The following GAL variants were observed in gnomAD, a reference collection of about 807,000 sequenced individuals.
GAL encodes the protein galanin and GMAP prepropeptide.
Under a neutral mutation model 15.8 loss-of-function variants are expected in GAL, and 14 were observed. That is an observed-to-expected ratio of 0.89 (90% CI 0.59 to 1.39). The LOEUF is 1.39. GAL is among the 40% of genes most tolerant of loss of function. The pLI is 0.00. For missense variants in GAL, 176 were observed against 170.4 expected (o/e 1.03, Z -0.18); for synonymous variants, 79 against 73.8 (o/e 1.07, Z -0.36).
chr11:68,684,964 T>A lies in GAL; in HGVS notation c.41T>A (p.Leu14His). The A allele has an allele frequency of 1.2e-6, 2 of 1,609,128 alleles. No homozygotes were observed. Among genetic ancestry groups the A allele is most frequent in the South Asian group, 1.1e-5 (1 of 90,252 alleles). The change falls in exon 2 of 6, where the codon CTC becomes CAC. Residue 14 changes from leucine (L) to histidine (H), a missense_variant. Physicochemically the swap from Leu to His is moderately conservative, Grantham distance 99 (BLOSUM62 -3). Coordinates refer to ENST00000265643, the MANE Select transcript of GAL (RefSeq NM_015973.5). ...GSALLLASLL[L>H]AAALSASAGL... ...GCCCTCCTGCTCGCCTCCCTCCTCC[T>A]CGCCGCGGCCCTTTCTGCCTCTGCG... is the stretch of plus-strand genomic sequence containing the variant.
Position 68,684,694 on chromosome 11 carries a change from A to G in GAL, c.-39A>G. The stretch of plus-strand genomic sequence containing the variant: ...CGCCCAGACCCGCCACCGCACCCGG[A>G]CCCCGACGCTCCGAACCCGGGCGCA... On this transcript the variant is annotated 5_prime_UTR_variant, in exon 1 of 6. Coordinates refer to ENST00000265643, the MANE Select transcript of GAL (RefSeq NM_015973.5). The G allele has an allele frequency of 2.5e-6, 1 of 399,048 alleles. No homozygotes were observed. The highest frequency in any genetic ancestry group is 4.4e-6 in the Non-Finnish European group (1 of 225,622). 24.7% of individuals were successfully genotyped at this position (399,048 alleles called of 1,614,324 possible).
intron 5 of GAL, 140 bp downstream of exon 5, chr11:68,689,066 G>A: frequency 1.6e-6 from 1 of 625,800 alleles, no homozygotes; most frequent in South Asian, 1.8e-5. Context: ...TTGGCTGTGT[G>A]TCGGGATAAC....
At chr11:68,690,871 T>C in intron 5 of GAL, 46 bp from the exon 6 acceptor site, 1 of 1,199,044 alleles carries the variant, frequency 8.3e-7, no homozygotes, top group Non-Finnish European at 1.2e-6. Flanking sequence ...TTCTCTCATG[T>C]GCATATTAAG....
In GAL at chr11:68,686,984, G is replaced by T. The variant is rs537916162; in HGVS notation, c.137-1030G>T. ...CTGTTCAGCTGTAGCTAGACGAGTT[G>T]TTTGTCAAAATACTTAAAAATGTGC... On this transcript the variant is annotated intron_variant, in intron 3 of 5. Coordinates refer to ENST00000265643, the MANE Select transcript of GAL (RefSeq NM_015973.5). 5.3e-4 allele frequency among the ~76,000 whole-genome samples: 80 copies of T among 152,286 alleles called. 1 individual carries two copies. The highest frequency in any genetic ancestry group is 1.9e-3 in the African/African-American group (80 of 41,562).
chr11:68,685,527 G>A, intron 2 of GAL, 67 bp from the exon 3 acceptor site: 1 of 1,080,922 alleles, frequency 9.3e-7, no homozygotes, highest in Admixed American at 1.7e-5. Context: ...GGGAAAGCCT[G>A]GGTGCACCCA....
intron 3 of GAL, among the ~76,000 whole-genome samples, chr11:68,687,383 A>C (rs1334051513): frequency 6.6e-6 from 1 of 151,730 alleles, no homozygotes; most frequent in Non-Finnish European, 1.5e-5. Context: ...TGTGCTTGCA[A>C]TCACAGTTCC....
At position 68,684,591 on chromosome 11, in the gene GAL, C is replaced by A; in HGVS notation, c.-142C>A. The A allele has an allele frequency of 4.5e-6, 1 of 223,508 alleles. No individual in the cohort carries two copies. Among genetic ancestry groups the A allele is most frequent in the South Asian group, 1.8e-4 (1 of 5,628 alleles). The allele number at this position is 223,508 out of a possible 1,614,324, so 13.8% of individuals were successfully genotyped here. Reference sequence around the variant, plus strand: ...AGGGACCCGGCCCGCGCCTTCTGCCCCTGCTGCCGGCCGCGCCATGCGGTG... The same window carrying A: ...AGGGACCCGGCCCGCGCCTTCTGCCACTGCTGCCGGCCGCGCCATGCGGTG... On this transcript the variant is annotated 5_prime_UTR_variant, in exon 1 of 6. Coordinates refer to ENST00000265643, the MANE Select transcript of GAL (RefSeq NM_015973.5).
At chr11:68,686,752 C>G (rs1029436747) in intron 3 of GAL, among the ~76,000 whole-genome samples, 11 of 152,242 alleles carry the variant, frequency 7.2e-5, no homozygotes, top group African/African-American at 2.4e-4. Context: ...GCCTGAGGGT[C>G]GGCTGATTTC....
In GAL at chr11:68,684,674, A is replaced by T; in HGVS notation, c.-59A>T. 2.8e-6 allele frequency: 1 copy of T among 360,600 alleles called. No homozygotes were observed. The highest frequency in any genetic ancestry group is 4.9e-6 in the Non-Finnish European group (1 of 202,206). The allele number at this position is 360,600 out of a possible 1,614,324, so 22.3% of individuals were successfully genotyped here. A position where few individuals can be genotyped will look rare whatever the true frequency, so the allele number is the denominator to read the frequency against. On this transcript the variant is annotated 5_prime_UTR_variant, in exon 1 of 6. Coordinates refer to ENST00000265643, the MANE Select transcript of GAL (RefSeq NM_015973.5). ...GGCCCGACGCCCGGACCTGCCGCCC[A>T]GACCCGCCACCGCACCCGGACCCCG...
intron 2 of GAL, among the ~76,000 whole-genome samples, chr11:68,685,366 C>G (rs1945841797): frequency 6.6e-6 from 1 of 152,262 alleles, no homozygotes; most frequent in South Asian, 2.1e-4. Flanking sequence ...GTGCAGTGCG[C>G]TGAGAGTGCG....
chr11:68,690,693 G>A lies in GAL; in HGVS notation c.302-224G>A, dbSNP rs188566654. Among the ~76,000 whole-genome samples the A allele has an allele frequency of 1.2e-4, 19 of 152,278 alleles. No individual in the cohort carries two copies. In the East Asian group the frequency reaches 3.7e-3, roughly 29 times the overall value. On this transcript the variant is annotated intron_variant, in intron 5 of 5. Transcript: ENST00000265643. ...CAGCTAGGAATTATACCTCTTTAAA[G>A]CCTGAATTTAAAAGTCTGACAGTTT...
chr11:68,687,900 C>T, intron 3 of GAL, 114 bp from the exon 4 acceptor site: 1 of 679,572 alleles, frequency 1.5e-6, no homozygotes, highest in Non-Finnish European at 2.7e-6. Flanking sequence ...CTCTATTTCA[C>T]AGTCGAGTTG....
chr11:68,688,039 C>T lies in GAL; in HGVS notation c.162C>T (p.Phe54=). 1 of 1,612,820 alleles carries T rather than the reference C, an allele frequency of 6.2e-7. No homozygotes were observed. The highest frequency in any genetic ancestry group is 8.5e-7 in the Non-Finnish European group (1 of 1,178,992). Residue 54 remains phenylalanine, a synonymous_variant, in exon 4 of 6, where the codon TTC becomes TTT. Transcript: ENST00000265643. ...ATGCCGTTGGCAACCACAGGTCATT[C>T]AGCGACAAGAATGGCCTCACCAGCA... The part of the protein sequence containing the change: ...GPHAVGNHRS[F]SDKNGLTSKR...
Position 68,687,894 on chromosome 11 carries a change from A to G in GAL, c.137-120A>G, listed in dbSNP as rs147259031. ...GCTCTGGTGTCTGTCCCTGGGCTCT[A>G]TTTCACAGTCGAGTTGCGTGTGTGT... On this transcript the variant is annotated intron_variant, in intron 3 of 5. Coordinates refer to ENST00000265643, the MANE Select transcript of GAL (RefSeq NM_015973.5). 570 of 669,816 alleles carry G rather than the reference A, an allele frequency of 8.5e-4. 2 individuals carry two copies. The African/African-American group carries it at 9.0e-3, about 11-fold the overall frequency. The allele number at this position is 669,816 out of a possible 1,614,324, so 41.5% of individuals were successfully genotyped here.
chr11:68,689,046 A>G (rs1030907092), intron 5 of GAL, 120 bp downstream of exon 5: 5 of 650,662 alleles, frequency 7.7e-6, no homozygotes, highest in Non-Finnish European at 1.4e-5. Context: ...ATCTACGTAC[A>G]AAGTCCTGTT....
chr11:68,690,402 G>A (rs569680465), intron 5 of GAL, among the ~76,000 whole-genome samples: 4 of 152,148 alleles, frequency 2.6e-5, no homozygotes, highest in Non-Finnish European at 4.4e-5. Context: ...TTTAGGTGGC[G>A]ATGGGGAGAG....
intron 3 of GAL, among the ~76,000 whole-genome samples, chr11:68,687,227 C>G (rs543834345): frequency 1.3e-5 from 2 of 152,252 alleles, no homozygotes. Flanking sequence ...GGCCAACCAG[C>G]TGGAAACACA....
In GAL at chr11:68,688,135, T is replaced by A. The variant is rs1327106956; in HGVS notation, c.223+35T>A. ...CTCCTATCCCGGGCCCCGGGGCACCTCACTTCCACCAGCTCCCAGGTGCAT... is the reference window on the plus strand; with the variant it reads ...CTCCTATCCCGGGCCCCGGGGCACCACACTTCCACCAGCTCCCAGGTGCAT... On this transcript the variant is annotated intron_variant, in intron 4 of 5. Coordinates refer to ENST00000265643, the MANE Select transcript of GAL (RefSeq NM_015973.5). The A allele has an allele frequency of 2.3e-6, 3 of 1,307,862 alleles. 1 individual carries two copies. The Admixed American group carries it at 5.0e-5, about 22-fold the overall frequency. 81.0% of individuals were successfully genotyped at this position (1,307,862 alleles called of 1,614,324 possible).
At chr11:68,690,483 A>G (rs887010290) in intron 5 of GAL, among the ~76,000 whole-genome samples, 11 of 152,192 alleles carry the variant, frequency 7.2e-5, no homozygotes, top group African/African-American at 2.7e-4. Context: ...GGCGGTGTTC[A>G]TTAGAAATCT....
Sources: gnomAD v4.1 joint callset for allele counts (sites outside exome capture counted in the v4.1 genomes callset) on GRCh38, gnomAD v4.1.1 for gene constraint, MANE v1.5 for transcripts, NCBI Gene and HGNC (gene_info 2026-07-23, HGNC 2026-07-21) for gene names.